The following TGDS variants were observed in gnomAD, a reference collection of about 807,000 sequenced individuals.
The protein encoded by TGDS is UDP-D-glucose 4,6-dehydratase.
TGDS carries 47 observed loss-of-function variants against 52.3 expected under a neutral mutation model. The ratio of observed to expected loss-of-function variants is 0.90; its 90% CI spans 0.71 to 1.15. TGDS has a LOEUF of 1.15. Ranked by LOEUF, TGDS falls within the 50% of genes most tolerant of loss-of-function variation. TGDS has a pLI of 0.00. For synonymous variants in TGDS, 115 were observed against 136.9 expected (o/e 0.84, Z 1.12); for missense variants, 375 against 418.4 (o/e 0.90, Z 0.90).
rs1889117554 is a variant in TGDS, at chr13:94,589,547, C to A, written c.313+1306G>T. 2.0e-5 allele frequency among the ~76,000 whole-genome samples: 3 copies of A among 152,068 alleles called. 1 individual carries two copies. Among genetic ancestry groups the A allele is most frequent in the Admixed American group, 2.0e-4 (3 of 15,260 alleles). On this transcript the variant is annotated intron_variant, in intron 4 of 11. Transcript: ENST00000261296. ...GCCAGGATGGTCTCGATTTCCTGACCTCGTGATCCACCCGCCTCAGCCTCC... is the reference window on the plus strand; with the variant it reads ...GCCAGGATGGTCTCGATTTCCTGACATCGTGATCCACCCGCCTCAGCCTCC...
intron 6 of TGDS, among the ~76,000 whole-genome samples, chr13:94,580,206 A>G (rs1943063372): frequency 2.6e-5 from 4 of 152,204 alleles, no homozygotes; most frequent in Non-Finnish European, 5.9e-5. Flanking sequence ...CACAGATGGC[A>G]CAGGTTTATA....
chr13:94,576,289 C>A, intron 11 of TGDS, 25 bp downstream of exon 11: 1 of 1,517,850 alleles, frequency 6.6e-7, no homozygotes, highest in Non-Finnish European at 8.9e-7. Flanking sequence ...TGACTTGCCC[C>A]CAAAATGATT....
rs1175026812 is a variant in TGDS at position 94,579,889 on chromosome 13, T to A, written c.615+5A>T. 6.4e-7 allele frequency: 1 copy of A among 1,565,654 alleles called. No individual in the cohort carries two copies. Among genetic ancestry groups the A allele is most frequent in the Non-Finnish European group, 8.7e-7 (1 of 1,144,324 alleles). On this transcript the variant is annotated splice_donor_5th_base_variant and intron_variant, in intron 7 of 11. Coordinates refer to ENST00000261296, the MANE Select transcript of TGDS (RefSeq NM_014305.4). ...AAACACCATGAATTAAGAAGTAAAA[T>A]TTACCTTTTCTGGATATTGATGTGG...
chr13:94,583,963 A>G (rs1888890270), intron 4 of TGDS, among the ~76,000 whole-genome samples: 1 of 152,236 alleles, frequency 6.6e-6, no homozygotes, highest in Non-Finnish European at 1.5e-5. Context: ...TGTCACTTAC[A>G]GTAAGAAAAA....
At chr13:94,592,099 G>A (rs540393865) in intron 3 of TGDS, 142 bp downstream of exon 3, 4 of 562,032 alleles carry the variant, frequency 7.1e-6, no homozygotes, top group Admixed American at 3.8e-5. Context: ...GGTACTTTTG[G>A]AAATTAACTA....
Position 94,583,231 on chromosome 13 carries a change from A to G in TGDS, c.319T>C (p.Ser107Pro), listed in dbSNP as rs1232200518. ...GTAAACTCAAAGGCACGTACGAATG[A>G]AAGATCTAAAAGAAAAGAGTGAAAA... is the stretch of plus-strand genomic sequence containing the variant. ...HFAAQTHVDLSFVRAFEFTYV... is the reference protein window; with the variant it reads ...HFAAQTHVDLPFVRAFEFTYV... Residue 107 changes from serine (S) to proline (P), a missense_variant, in exon 5 of 12, where the codon TCA becomes CCA. By Grantham distance (74) the Ser-to-Pro change is moderately conservative. Transcript: ENST00000261296. The G allele has an allele frequency of 3.1e-6, 5 of 1,609,950 alleles. No homozygotes were observed. In the Admixed American group the frequency reaches 6.8e-5, roughly 22 times the overall value.
chr13:94,577,554 A>T, intron 9 of TGDS, 125 bp from the exon 10 acceptor site: 14 of 665,682 alleles, frequency 2.1e-5, no homozygotes, highest in Non-Finnish European at 3.4e-5. Flanking sequence ...TAAAATGAAC[A>T]TCATTTTAGT....
intron 2 of TGDS, 128 bp from the exon 3 acceptor site, chr13:94,592,437 T>C: frequency 4.3e-6 from 3 of 698,032 alleles, no homozygotes; most frequent in Non-Finnish European, 6.8e-6. Flanking sequence ...TCTTAAAGTG[T>C]GTTTGCTCCC....
intron 3 of TGDS, among the ~76,000 whole-genome samples, chr13:94,591,836 A>G (rs779183601): frequency 5.9e-5 from 9 of 152,242 alleles, no homozygotes; most frequent in South Asian, 2.1e-4. Flanking sequence ...TAAAAAATAC[A>G]TAAGTTAAAT....
At position 94,593,858 on chromosome 13, in the gene TGDS, T is replaced by G. The variant is rs773350207; in HGVS notation, c.136A>C (p.Ile46Leu). The change falls in exon 2 of 12, where the codon ATC becomes CTC. Residue 46 changes from isoleucine to leucine, a missense_variant. Ile to Leu is a conservative substitution (Grantham distance 5). Transcript: ENST00000261296. ...SLVEDYPNYMIINLDKLDYCA... is the reference protein window; with the variant it reads ...SLVEDYPNYMLINLDKLDYCA... ...AAACTCACCTTGTCTAGATTTATGATCATATAGTTTGGATAATCTTCCACT... is the reference window on the plus strand; with the variant it reads ...AAACTCACCTTGTCTAGATTTATGAGCATATAGTTTGGATAATCTTCCACT... 1.3e-6 allele frequency: 2 copies of G among 1,576,704 alleles called. No homozygotes were observed. Among genetic ancestry groups the G allele is most frequent in the Non-Finnish European group, 1.7e-6 (2 of 1,158,598 alleles).
intron 4 of TGDS, among the ~76,000 whole-genome samples, chr13:94,584,507 T>C (rs955914575): frequency 1.3e-5 from 2 of 152,234 alleles, no homozygotes; most frequent in Non-Finnish European, 2.9e-5. Flanking sequence ...CATTTCAGTA[T>C]AAACCCATGT....
chr13:94,578,715 G>C lies in TGDS; in HGVS notation c.659+15C>G, dbSNP rs1566953660. On this transcript the variant is annotated intron_variant, in intron 8 of 11. Transcript: ENST00000261296. ...ACCAGAAAAGCATATGGGTAAAAAGGTAATAATAACATACCATTTCCTGTT... is the reference window on the plus strand; with the variant it reads ...ACCAGAAAAGCATATGGGTAAAAAGCTAATAATAACATACCATTTCCTGTT... 3 of 1,524,270 alleles carry C rather than the reference G, an allele frequency of 2.0e-6. No homozygotes were observed. In the East Asian group the frequency reaches 6.8e-5, roughly 35 times the overall value. 94.4% of individuals were successfully genotyped at this position (1,524,270 alleles called of 1,614,324 possible). A position where few individuals can be genotyped will look rare whatever the true frequency, so the allele number is the denominator to read the frequency against.
chr13:94,581,987 G>A (rs950815376), intron 5 of TGDS, among the ~76,000 whole-genome samples: 4 of 152,124 alleles, frequency 2.6e-5, no homozygotes, highest in Admixed American at 6.5e-5. Context: ...ATCACCTGAG[G>A]TCAGGAGTTC....
At chr13:94,595,339 G>A (rs1039360298) in intron 1 of TGDS, among the ~76,000 whole-genome samples, 1 of 152,192 alleles carries the variant, frequency 6.6e-6, no homozygotes, top group Non-Finnish European at 1.5e-5. Flanking sequence ...TTATTCTTAA[G>A]TGTGGCAGGA....
chr13:94,587,825 G>A (rs576160797), intron 4 of TGDS, among the ~76,000 whole-genome samples: 5 of 150,466 alleles, frequency 3.3e-5, no homozygotes, highest in Admixed American at 6.6e-5. Flanking sequence ...GTGAAACCCC[G>A]TCTCTATTAA....
rs1232414690 is a variant in TGDS at position 94,586,748 on chromosome 13, ATTATT to A, written c.314-3517_314-3513del. ...ACCCACGGATGAGAGAAGAAATCAA[ATTATT>A]TTTTTTTTTTTTTTTTTTTTTTTGA... is the stretch of plus-strand genomic sequence containing the variant. On this transcript the variant is annotated intron_variant, in intron 4 of 11. Coordinates refer to ENST00000261296, the MANE Select transcript of TGDS (RefSeq NM_014305.4). 1.0e-3 allele frequency among the ~76,000 whole-genome samples: 88 copies of A among 88,432 alleles called. 3 individuals carry two copies. Among genetic ancestry groups the A allele is most frequent in the South Asian group, 2.2e-3 (4 of 1,826 alleles). The allele number at this position is 88,432 out of a possible 152,430, so 58.0% of individuals were successfully genotyped here. A position where few individuals can be genotyped will look rare whatever the true frequency, so the allele number is the denominator to read the frequency against.
chr13:94,577,215 T>G (rs1019225995), intron 10 of TGDS, among the ~76,000 whole-genome samples, 156 bp downstream of exon 10: 2 of 152,206 alleles, frequency 1.3e-5, no homozygotes, highest in Non-Finnish European at 2.9e-5. Context: ...AATAATGCTA[T>G]ACTTAATTTG....
rs148442881 is a variant in TGDS, at chr13:94,578,637, T to C, written c.659+93A>G. On this transcript the variant is annotated intron_variant, in intron 8 of 11. Coordinates refer to ENST00000261296, the MANE Select transcript of TGDS (RefSeq NM_014305.4). ...AAATTTAGTGGGGCATTCAATTCTA[T>C]GGCCTTTAAGACTTTATGATATTTA... 5.5e-4 allele frequency: 506 copies of C among 919,902 alleles called. 1 individual carries two copies. In the African/African-American group the frequency reaches 8.2e-3, roughly 15 times the overall value. The allele number at this position is 919,902 out of a possible 1,614,324, so 57.0% of individuals were successfully genotyped here.
upstream of TGDS, chr13:94,596,257 C>T: frequency 5.3e-6 from 6 of 1,138,286 alleles, no homozygotes; most frequent in Non-Finnish European, 7.4e-6. Flanking sequence ...CAGCCAGAGG[C>T]AGCTTCCGGA....
Sources: allele counts gnomAD v4.1 joint callset (sites outside exome capture counted in the v4.1 genomes callset), GRCh38; gene constraint gnomAD v4.1.1; transcripts MANE v1.5; gene names NCBI Gene and HGNC (gene_info 2026-07-23, HGNC 2026-07-21).